RXFP1: variants seen among roughly 807,000 people sequenced by gnomAD.
RXFP1 encodes the protein relaxin family peptide receptor 1, also known as relaxin receptor 1.
RXFP1 carries 73 observed loss-of-function variants against 89.8 expected under a neutral mutation model. The observed-to-expected ratio is 0.81, with a 90% CI of 0.67 to 0.99. RXFP1 has a LOEUF of 0.99. Among genes scored for constraint, RXFP1 ranks in the 50% least tolerant of loss-of-function variants. RXFP1 has a pLI of 0.00. For synonymous variants in RXFP1, 277 were observed against 305.5 expected (o/e 0.91, Z 0.97); for missense variants, 793 against 895.5 (o/e 0.89, Z 1.46).
chr4:158,618,345 A>C (rs2150152660), intron 9 of RXFP1, among the ~76,000 whole-genome samples: 1 of 152,254 alleles, frequency 6.6e-6, no homozygotes, highest in East Asian at 1.9e-4. Flanking sequence ...CACAAGCAAT[A>C]ATAAACCTTG....
At chr4:158,610,793 C>G in intron 6 of RXFP1, 1 of 994,834 alleles carries the variant, frequency 1.0e-6, no homozygotes, top group Non-Finnish European at 1.4e-6. Flanking sequence ...CTGTGCCCAC[C>G]TGGGCTCCAG....
intron 1 of RXFP1, 57 bp from the exon 2 acceptor site, chr4:158,572,641 T>C: frequency 6.7e-7 from 1 of 1,494,606 alleles, no homozygotes; most frequent in Non-Finnish European, 9.3e-7. Flanking sequence ...AACTGCTCTT[T>C]GCCACGCCTT....
chr4:158,619,585 A>G (rs1765217125), intron 9 of RXFP1, among the ~76,000 whole-genome samples: 1 of 152,168 alleles, frequency 6.6e-6, no homozygotes. Context: ...GCTCTTTTTC[A>G]CTGATCTCCA....
chr4:158,568,372 T>G (rs985896574), intron 1 of RXFP1, among the ~76,000 whole-genome samples: 2 of 152,204 alleles, frequency 1.3e-5, no homozygotes, highest in African/African-American at 4.8e-5. Flanking sequence ...AAAAGTTATG[T>G]GGAGAAGAAT....
intron 1 of RXFP1, among the ~76,000 whole-genome samples, chr4:158,533,339 G>T (rs1744516010): frequency 6.6e-6 from 1 of 152,090 alleles, no homozygotes; most frequent in Non-Finnish European, 1.5e-5. Context: ...TAGTTTTAGT[G>T]GTGGAAGAGT....
intron 6 of RXFP1, among the ~76,000 whole-genome samples, chr4:158,611,540 A>T (rs1288632154): frequency 6.6e-6 from 1 of 152,134 alleles, no homozygotes; most frequent in Admixed American, 6.5e-5. Context: ...TTAACTTGTC[A>T]GACTCTCATA....
Position 158,599,381 on chromosome 4 carries a change from T to C in RXFP1, c.342T>C (p.Asp114=), listed in dbSNP as rs1056844024. Reference sequence around the variant, plus strand: ...GCCAAGGTCTGGAGCTTGACTGTGATGAAACCAATTTACGAGCTGTTCCAT... The same window carrying C: ...GCCAAGGTCTGGAGCTTGACTGTGACGAAACCAATTTACGAGCTGTTCCAT... ...CLCQGLELDC[D]ETNLRAVPSV... is the part of the protein sequence containing the mutation. Residue 114 remains aspartate, a synonymous_variant, in exon 4 of 18, where the codon GAT becomes GAC. Transcript: ENST00000307765. 1 of 1,613,804 alleles carries C rather than the reference T, an allele frequency of 6.2e-7. No individual in the cohort carries two copies. Among genetic ancestry groups the C allele is most frequent in the Non-Finnish European group, 8.5e-7 (1 of 1,179,886 alleles).
chr4:158,650,624 G>A (rs984407591), intron 17 of RXFP1, among the ~76,000 whole-genome samples: 1 of 151,820 alleles, frequency 6.6e-6, no homozygotes, highest in Non-Finnish European at 1.5e-5. Context: ...CAAAAATTTA[G>A]CTGCGCCTGG....
chr4:158,527,564 A>ATATATATATATATATATATATATATATAT (rs1553989393), intron 1 of RXFP1, among the ~76,000 whole-genome samples: 1 of 98,338 alleles, frequency 1.0e-5, no homozygotes, highest in African/African-American at 3.5e-5. Flanking sequence ...AAAAAAAAAA[A>ATATATATATATATATATATATATATATAT]ATATATATAT....
chr4:158,535,418 A>G (rs918847148), intron 1 of RXFP1, among the ~76,000 whole-genome samples: 2 of 152,248 alleles, frequency 1.3e-5, no homozygotes, highest in African/African-American at 4.8e-5. Flanking sequence ...ACTGAAAGCA[A>G]TCCTTAGAGA....
chr4:158,553,970 G>A (rs1750714067), intron 1 of RXFP1, among the ~76,000 whole-genome samples: 1 of 152,076 alleles, frequency 6.6e-6, no homozygotes, highest in African/African-American at 2.4e-5. Flanking sequence ...GGGCACCGCT[G>A]ACATTTTTGG....
At chr4:158,537,229 A>G (rs1407014032) in intron 1 of RXFP1, among the ~76,000 whole-genome samples, 1 of 152,150 alleles carries the variant, frequency 6.6e-6, no homozygotes, top group Non-Finnish European at 1.5e-5. Flanking sequence ...TATCCCCACC[A>G]CTGTGTTTAC....
At chr4:158,627,646 G>A (rs940118822) in intron 10 of RXFP1, among the ~76,000 whole-genome samples, 28 of 151,796 alleles carry the variant, frequency 1.8e-4, no homozygotes, top group African/African-American at 6.8e-4. Context: ...CCTGTATATA[G>A]GCGATACAAT....
intron 1 of RXFP1, among the ~76,000 whole-genome samples, chr4:158,569,432 G>C (rs1754565449): frequency 1.3e-5 from 2 of 152,174 alleles, no homozygotes; most frequent in South Asian, 2.1e-4. Flanking sequence ...GACTTTGACT[G>C]ACAATGATGT....
At chr4:158,605,605 T>G (rs1272400797) in intron 5 of RXFP1, among the ~76,000 whole-genome samples, 2 of 152,222 alleles carry the variant, frequency 1.3e-5, no homozygotes, top group Non-Finnish European at 2.9e-5. Context: ...GCATGTTGTC[T>G]TGGAGACTTG....
intron 12 of RXFP1, 85 bp downstream of exon 12, chr4:158,633,561 AT>A: frequency 2.4e-6 from 2 of 834,946 alleles, no homozygotes; most frequent in Non-Finnish European, 3.8e-6. Flanking sequence ...AAAATTAGCC[AT>A]TTTTAAGTGT....
At chr4:158,606,991 ATTGATT>A in intron 5 of RXFP1, 1 of 1,236,350 alleles carries the variant, frequency 8.1e-7, no homozygotes, top group South Asian at 1.3e-5. Context: ...GTTCGCTCAT[ATTGATT>A]TCTTTCTTAT....
chr4:158,608,039 A>G lies in RXFP1; in HGVS notation c.532A>G (p.Lys178Glu). ...YAFRGLNSLT[K>E]LYLSHNRITF... ...TTTCAGAGGACTGAATAGCCTTACT[A>G]AACTGTAAGTACCAGTGTGAATTAA... Residue 178 changes from lysine to glutamate, a missense_variant, in exon 6 of 18, where the codon AAA becomes GAA. Lys to Glu is a moderately conservative substitution (Grantham distance 56, BLOSUM62 1). Coordinates refer to ENST00000307765, the MANE Select transcript of RXFP1 (RefSeq NM_021634.4). 1 of 1,592,118 alleles carries G rather than the reference A, an allele frequency of 6.3e-7. No individual in the cohort carries two copies. Among genetic ancestry groups the G allele is most frequent in the Non-Finnish European group, 8.6e-7 (1 of 1,161,732 alleles).
chr4:158,612,006 C>A, intron 6 of RXFP1, 124 bp from the exon 7 acceptor site: 2 of 692,034 alleles, frequency 2.9e-6, no homozygotes, highest in Non-Finnish European at 4.9e-6. Context: ...GATTCAAAGG[C>A]AGGGAAGTGG....
Sources: allele counts gnomAD v4.1 joint callset (sites outside exome capture counted in the v4.1 genomes callset), GRCh38; gene constraint gnomAD v4.1.1; transcripts MANE v1.5; gene names NCBI Gene and HGNC (gene_info 2026-07-23, HGNC 2026-07-21).